The following PCDH7 variants were observed in gnomAD, a reference collection of about 807,000 sequenced individuals.
PCDH7 encodes protocadherin 7.
A neutral mutation model predicts 58.9 loss-of-function variants in PCDH7; 17 were observed. The observed-to-expected ratio is 0.29, with a 90% CI of 0.20 to 0.43. PCDH7 has a LOEUF of 0.43. PCDH7 is among the 20% of genes least tolerant of loss of function. PCDH7 has a pLI of 1.00. For missense variants in PCDH7, 1,274 were observed against 1,441.0 expected (o/e 0.88, Z 1.88); for synonymous variants, 664 against 616.4 (o/e 1.08, Z -1.14).
chr4:30,775,373 A>G (rs1237148711), intron 1 of PCDH7, among the ~76,000 whole-genome samples: 2 of 152,148 alleles, frequency 1.3e-5, no homozygotes, highest in Admixed American at 1.3e-4. Context: ...GTATATCTAA[A>G]TATATACAAC....
At chr4:30,959,433 T>C (rs970849119) in intron 3 of PCDH7, among the ~76,000 whole-genome samples, 1 of 152,106 alleles carries the variant, frequency 6.6e-6, no homozygotes, top group African/African-American at 2.4e-5. Context: ...AATTATATCT[T>C]TTTAGAAAAA....
intron 3 of PCDH7, among the ~76,000 whole-genome samples, chr4:30,973,127 G>A (rs1333906239): frequency 2.0e-5 from 3 of 152,136 alleles, no homozygotes; most frequent in Non-Finnish European, 4.4e-5. Flanking sequence ...CCTTTAAATG[G>A]CCAAGTGTGT....
intron 1 of PCDH7, among the ~76,000 whole-genome samples, chr4:30,908,840 G>C (rs1227792888): frequency 6.6e-6 from 1 of 152,168 alleles, no homozygotes; most frequent in Non-Finnish European, 1.5e-5. Flanking sequence ...TGTGAGGCCA[G>C]CATCATCCTG....
chr4:31,115,719 A>G (rs1716909925), intron 3 of PCDH7, among the ~76,000 whole-genome samples: 2 of 152,234 alleles, frequency 1.3e-5, no homozygotes, highest in African/African-American at 4.8e-5. Flanking sequence ...TCTTTCTAAT[A>G]GTCATGGATA....
intron 1 of PCDH7, among the ~76,000 whole-genome samples, chr4:30,791,679 CTATAATTCAAA>C (rs1166214986): frequency 1.3e-5 from 2 of 152,138 alleles, no homozygotes; most frequent in Non-Finnish European, 2.9e-5. Flanking sequence ...TTCTGGTCTG[CTATAATTCAAA>C]TATAATTCAA....
intron 3 of PCDH7, among the ~76,000 whole-genome samples, chr4:31,038,424 A>G (rs1755587683): frequency 6.6e-6 from 1 of 152,208 alleles, no homozygotes; most frequent in Non-Finnish European, 1.5e-5. Flanking sequence ...CTTCCTTAGA[A>G]GGGTAAACTT....
At chr4:30,744,858 C>T (rs1717560694) in intron 1 of PCDH7, among the ~76,000 whole-genome samples, 1 of 152,168 alleles carries the variant, frequency 6.6e-6, no homozygotes. Context: ...AATCCTAGAA[C>T]CAGTTAATGA....
At chr4:31,055,670 G>A (rs1276954237) in intron 3 of PCDH7, among the ~76,000 whole-genome samples, 4 of 151,888 alleles carry the variant, frequency 2.6e-5, no homozygotes, top group Admixed American at 2.6e-4. Flanking sequence ...TCCACCTCAC[G>A]GGTTCAAGTG....
chr4:31,055,079 G>C (rs1007168563), intron 3 of PCDH7, among the ~76,000 whole-genome samples: 3 of 151,956 alleles, frequency 2.0e-5, no homozygotes, highest in African/African-American at 7.3e-5. Context: ...ATATTTCATC[G>C]TAGCAAATAA....
intron 3 of PCDH7, among the ~76,000 whole-genome samples, chr4:31,079,358 ATATATACAC>A: frequency 1.9e-5 from 2 of 106,748 alleles, no homozygotes; most frequent in Admixed American, 9.9e-5. Context: ...ATATATATAT[ATATATACAC>A]CACATTTTCA....
chr4:30,813,131 A>G (rs1727225098), intron 1 of PCDH7, among the ~76,000 whole-genome samples: 1 of 152,340 alleles, frequency 6.6e-6, no homozygotes, highest in Non-Finnish European at 1.5e-5. Context: ...GGGAATCTTC[A>G]GAACTAAAGA....
intron 3 of PCDH7, among the ~76,000 whole-genome samples, chr4:31,099,249 T>C (rs1288572384): frequency 6.6e-6 from 1 of 152,210 alleles, no homozygotes; most frequent in African/African-American, 2.4e-5. Context: ...AAAGTCACTG[T>C]GCCCTGTGTT....
Position 30,722,288 on chromosome 4 carries a change from C to G in PCDH7, c.866C>G (p.Ser289Cys). Residue 289 changes from serine to cysteine, a missense_variant, in exon 1 of 2, where the codon TCC (serine) becomes TGC (cysteine). Physicochemically the swap from Ser to Cys is moderately radical, Grantham distance 112. Transcript: ENST00000361762. This position sits in a 1 kb window ranked among gnomAD's most constrained non-coding sequence, Gnocchi z 7.6. ...CGCGACGGCGGCGACCCGCCTCGCT[C>G]CTCGCAGGCCATCCTACGGGTCCTC... 1.2e-6 allele frequency: 2 copies of G among 1,604,672 alleles called. No homozygotes were observed. The highest frequency in any genetic ancestry group is 1.7e-6 in the Non-Finnish European group (2 of 1,176,662).
intron 3 of PCDH7, among the ~76,000 whole-genome samples, chr4:30,995,516 GAA>G (rs113854072): frequency 8.5e-5 from 12 of 140,364 alleles, no homozygotes; most frequent in African/African-American, 1.0e-4. Context: ...CCTCCCAAAG[GAA>G]AAAAAAAAAA....
intron 1 of PCDH7, among the ~76,000 whole-genome samples, chr4:30,790,930 AC>A (rs746822227): frequency 1.3e-4 from 20 of 151,614 alleles, no homozygotes; most frequent in Non-Finnish European, 2.1e-4. Flanking sequence ...CTCAAAAAAA[AC>A]AAAACAAAAC....
At chr4:31,033,913 G>A (rs1755169187) in intron 3 of PCDH7, among the ~76,000 whole-genome samples, 1 of 152,098 alleles carries the variant, frequency 6.6e-6, no homozygotes, top group South Asian at 2.1e-4. Context: ...AGCCAACATG[G>A]TGAAACCCCA....
chr4:30,725,610 A>G (rs929118756), intron 1 of PCDH7, among the ~76,000 whole-genome samples: 1 of 152,128 alleles, frequency 6.6e-6, no homozygotes, highest in African/African-American at 2.4e-5. Context: ...AGCAAACAAG[A>G]CCTTTTGGAA....
chr4:31,058,173 C>T (rs781604326), intron 3 of PCDH7, among the ~76,000 whole-genome samples: 79 of 149,928 alleles, frequency 5.3e-4, no homozygotes, highest in Non-Finnish European at 8.3e-4. Context: ...TAAAATAAAT[C>T]CCTCAACAAA....
chr4:30,940,611 G>A (rs934039963), intron 2 of PCDH7, among the ~76,000 whole-genome samples: 5 of 151,886 alleles, frequency 3.3e-5, no homozygotes, highest in Admixed American at 1.3e-4. Context: ...AATTCTTGTG[G>A]CATATGGCTT....
Sources: gnomAD v4.1 joint callset for allele counts (sites outside exome capture counted in the v4.1 genomes callset) on GRCh38, gnomAD v4.1.1 for gene constraint, Gnocchi (gnomAD v3.1) non-coding constraint, MANE v1.5 for transcripts, NCBI Gene and HGNC (gene_info 2026-07-23, HGNC 2026-07-21) for gene names.